Variants in NALF1 observed in about 807,000 individuals in gnomAD.
NALF1 encodes NALCN channel auxiliary factor 1.
NALF1 carries 3 observed loss-of-function variants against 48.4 expected under a neutral mutation model. The ratio of observed to expected loss-of-function variants is 0.06; its 90% CI spans 0.03 to 0.16. The LOEUF is 0.16. Ranked by LOEUF, NALF1 falls within the 10% of genes least tolerant of loss-of-function variation. The pLI is 1.00. For missense variants in NALF1, 526 were observed against 571.5 expected, an observed-to-expected ratio of 0.92 and a Z score of 0.81; for synonymous variants, 262 against 245.7, an observed-to-expected ratio of 1.07 and a Z score of -0.62.
At chr13:107,582,158 C>T (rs956254768) in intron 1 of NALF1, among the ~76,000 whole-genome samples, 14 of 152,054 alleles carry the variant, frequency 9.2e-5, no homozygotes, top group African/African-American at 3.1e-4. Flanking sequence ...ACTCATGGTG[C>T]CTAAATTACC....
At chr13:107,842,652 C>T (rs1019215836) in intron 1 of NALF1, among the ~76,000 whole-genome samples, 54 of 150,722 alleles carry the variant, frequency 3.6e-4, no homozygotes, top group African/African-American at 1.3e-3. Context: ...AAAAGAATGG[C>T]CTTTATGGCA....
At chr13:107,679,929 C>A (rs1015480305) in intron 1 of NALF1, among the ~76,000 whole-genome samples, 8 of 152,204 alleles carry the variant, frequency 5.3e-5, no homozygotes, top group African/African-American at 1.7e-4. Context: ...AGCAAAAACA[C>A]GTTCACAGCT....
intron 1 of NALF1, among the ~76,000 whole-genome samples, chr13:107,544,846 A>G (rs891209221): frequency 2.0e-5 from 3 of 152,194 alleles, no homozygotes; most frequent in African/African-American, 7.2e-5. Flanking sequence ...TTGGAACATC[A>G]ATTCTGTGTC....
intron 1 of NALF1, among the ~76,000 whole-genome samples, chr13:107,411,593 C>T (rs1006724600): frequency 1.3e-5 from 2 of 152,082 alleles, no homozygotes; most frequent in Non-Finnish European, 2.9e-5. Context: ...ACTGAGAAGC[C>T]GTCATTGTCG....
At chr13:107,269,881 G>C (rs1881120479) in intron 1 of NALF1, among the ~76,000 whole-genome samples, 1 of 149,482 alleles carries the variant, frequency 6.7e-6, no homozygotes, top group African/African-American at 2.5e-5. Context: ...GGAGTAGCTG[G>C]GACTACAGGT....
intron 1 of NALF1, among the ~76,000 whole-genome samples, chr13:107,817,505 C>G (rs887921642): frequency 6.6e-6 from 1 of 152,152 alleles, no homozygotes; most frequent in African/African-American, 2.4e-5. Flanking sequence ...TAGGGAGTGC[C>G]GGGATTTTAA....
At chr13:107,321,334 T>C (rs1882250790) in intron 1 of NALF1, among the ~76,000 whole-genome samples, 1 of 152,062 alleles carries the variant, frequency 6.6e-6, no homozygotes, top group Non-Finnish European at 1.5e-5. Context: ...AGAAAAAATA[T>C]GAGAACATCG....
chr13:107,428,206 C>T (rs935968889), intron 1 of NALF1, among the ~76,000 whole-genome samples: 5 of 152,138 alleles, frequency 3.3e-5, no homozygotes, highest in Non-Finnish European at 7.4e-5. Context: ...ACTATTAACC[C>T]AAGTTAAGCC....
At chr13:107,460,713 T>C (rs1407510499) in intron 1 of NALF1, among the ~76,000 whole-genome samples, 5 of 152,228 alleles carry the variant, frequency 3.3e-5, no homozygotes, top group South Asian at 4.1e-4. Context: ...ATTCTCCATA[T>C]TGATAATACA....
At chr13:107,589,888 C>T (rs150531069) in intron 1 of NALF1, among the ~76,000 whole-genome samples, 148 of 152,012 alleles carry the variant, frequency 9.7e-4, no homozygotes, top group African/African-American at 3.3e-3. Flanking sequence ...ACAGATTGCA[C>T]AGCTAGTCAG....
chr13:107,547,371 A>G (rs1566387848), intron 1 of NALF1, among the ~76,000 whole-genome samples: 1 of 152,238 alleles, frequency 6.6e-6, no homozygotes, highest in Non-Finnish European at 1.5e-5. Flanking sequence ...GAATAATGTT[A>G]AATTTCAATT....
At chr13:107,381,476 G>T (rs1297293045) in intron 1 of NALF1, among the ~76,000 whole-genome samples, 1 of 152,056 alleles carries the variant, frequency 6.6e-6, no homozygotes, top group African/African-American at 2.4e-5. Flanking sequence ...AATTATAGAT[G>T]TGAGCCACCA....
intron 1 of NALF1, among the ~76,000 whole-genome samples, chr13:107,633,025 TAGAA>T (rs976514383): frequency 6.6e-6 from 1 of 152,088 alleles, no homozygotes; most frequent in Non-Finnish European, 1.5e-5. Flanking sequence ...GATGCATTTT[TAGAA>T]AGAGAGAATA....
At chr13:107,527,406 T>C (rs1370326048) in intron 1 of NALF1, among the ~76,000 whole-genome samples, 1 of 152,164 alleles carries the variant, frequency 6.6e-6, no homozygotes, top group Non-Finnish European at 1.5e-5. Context: ...TTTGGAAGTT[T>C]AAATCTTTAG....
intron 1 of NALF1, among the ~76,000 whole-genome samples, chr13:107,343,930 G>T (rs899007646): frequency 1.3e-5 from 2 of 151,286 alleles, no homozygotes; most frequent in African/African-American, 2.4e-5. Flanking sequence ...TTTTTGAAAA[G>T]ATTAACAAAA....
At chr13:107,748,055 C>T (rs901467194) in intron 1 of NALF1, among the ~76,000 whole-genome samples, 19 of 152,106 alleles carry the variant, frequency 1.2e-4, no homozygotes, top group African/African-American at 1.7e-4. Flanking sequence ...TCTAACGTAA[C>T]AACAAAATTC....
intron 1 of NALF1, among the ~76,000 whole-genome samples, chr13:107,355,171 C>T (rs1438942595): frequency 1.3e-5 from 2 of 152,212 alleles, no homozygotes; most frequent in East Asian, 3.9e-4. Context: ...GGTGACAGGT[C>T]GCACAGCAAA....
chr13:107,302,752 G>T (rs1162520224), intron 1 of NALF1, among the ~76,000 whole-genome samples: 1 of 152,228 alleles, frequency 6.6e-6, no homozygotes, highest in African/African-American at 2.4e-5. Flanking sequence ...TAATGTGCCT[G>T]CCAGGGCAAA....
At chr13:107,339,005 G>C (rs1014080961) in intron 1 of NALF1, among the ~76,000 whole-genome samples, 1 of 151,924 alleles carries the variant, frequency 6.6e-6, no homozygotes, top group Non-Finnish European at 1.5e-5. Flanking sequence ...GTGGTGGCAG[G>C]TGCCTGTAGT....
Sources: gnomAD v4.1 joint callset for allele counts (sites outside exome capture counted in the v4.1 genomes callset) on GRCh38, gnomAD v4.1.1 for gene constraint, MANE v1.5 for transcripts, NCBI Gene and HGNC (gene_info 2026-07-23, HGNC 2026-07-21) for gene names.